Variants in INPP5A observed in about 807,000 individuals in gnomAD.
INPP5A encodes the protein inositol polyphosphate-5-phosphatase A, also known as 43 kDa inositol polyphosphate 5-phophatase.
Under a neutral mutation model 65.2 loss-of-function variants are expected in INPP5A, and 14 were observed. The observed-to-expected ratio is 0.21, with a 90% CI of 0.14 to 0.34. The LOEUF (loss-of-function observed/expected upper bound fraction) is 0.34, where lower values mean the gene tolerates loss of function less well. Ranked by LOEUF, INPP5A falls within the 10% of genes least tolerant of loss-of-function variation. INPP5A has a pLI of 1.00. For missense variants in INPP5A, 431 were observed against 545.6 expected, an observed-to-expected ratio of 0.79 and a Z score of 2.09; for synonymous variants, 207 against 208.3, an observed-to-expected ratio of 0.99 and a Z score of 0.05.
At chr10:132,569,801 G>A (rs2071316494) in intron 1 of INPP5A, among the ~76,000 whole-genome samples, 1 of 149,378 alleles carries the variant, frequency 6.7e-6, no homozygotes, top group African/African-American at 2.5e-5. Flanking sequence ...ACCGCACTGG[G>A]CCCCCACTGT....
chr10:132,652,033 T>G (rs958089297), intron 4 of INPP5A, among the ~76,000 whole-genome samples: 1 of 151,760 alleles, frequency 6.6e-6, no homozygotes, highest in African/African-American at 2.4e-5. Flanking sequence ...CCTCTCCCCC[T>G]TGGTCCCTCC....
chr10:132,652,205 A>G (rs1469277252), intron 4 of INPP5A, among the ~76,000 whole-genome samples: 1 of 152,228 alleles, frequency 6.6e-6, no homozygotes, highest in African/African-American at 2.4e-5. Context: ...AAAGAAAAAC[A>G]CCACTGGGGG....
At position 132,774,854 on chromosome 10, in the gene INPP5A, CGGGCAGGGAGGAG is replaced by C. The variant is rs1454013874; in HGVS notation, c.978-2803_978-2791del. Reference sequence around the variant, plus strand: ...CGGAGGAGAGAGGGGTAGGGAGAGACGGGCAGGGAGGAGGGGCAGGGAGGAGAGGCAGGGAGGA... The same window carrying C: ...CGGAGGAGAGAGGGGTAGGGAGAGACGGGCAGGGAGGAGAGGCAGGGAGGA... On this transcript the variant is annotated intron_variant, in intron 12 of 15. Transcript: ENST00000368594. Among the ~76,000 whole-genome samples the C allele has an allele frequency of 1.3e-4, 4 of 31,228 alleles. 1 individual carries two copies. Among genetic ancestry groups the C allele is most frequent in the East Asian group, 7.7e-4 (1 of 1,292 alleles). 20.5% of individuals were successfully genotyped at this position (31,228 alleles called of 152,430 possible). A position where few individuals can be genotyped will look rare whatever the true frequency, so the allele number is the denominator to read the frequency against.
At chr10:132,715,990 C>A (rs1187015132) in intron 8 of INPP5A, among the ~76,000 whole-genome samples, 9 of 152,264 alleles carry the variant, frequency 5.9e-5, no homozygotes, top group Non-Finnish European at 5.9e-5. Flanking sequence ...TCGCCTTAGC[C>A]TCTCCAGGGC....
chr10:132,596,438 T>C lies in INPP5A; in HGVS notation c.76-11477T>C, dbSNP rs576195780. Among the ~76,000 whole-genome samples the C allele has an allele frequency of 2.7e-5, 4 of 149,716 alleles. No individual in the cohort carries two copies. In the South Asian group the frequency reaches 8.6e-4, roughly 32 times the overall value. ...TGTGTGTGCATGTTTTGTTTTGTTTTTTTTTTTTGAGATGGAGTCTCGCAC... is the reference window on the plus strand; with the variant it reads ...TGTGTGTGCATGTTTTGTTTTGTTTCTTTTTTTTGAGATGGAGTCTCGCAC... On this transcript the variant is annotated intron_variant, in intron 1 of 15. Coordinates refer to ENST00000368594, the MANE Select transcript of INPP5A (RefSeq NM_005539.5).
chr10:132,692,075 AGGGTCAGGCTCGG>A (rs939867288), intron 5 of INPP5A, among the ~76,000 whole-genome samples: 4 of 151,818 alleles, frequency 2.6e-5, no homozygotes, highest in African/African-American at 9.7e-5. Context: ...GTTGGGCTCG[AGGGTCAGGCTCGG>A]GGGTCAGGCT....
At position 132,587,125 on chromosome 10, in the gene INPP5A, G is replaced by C. The variant is rs975072597; in HGVS notation, c.76-20790G>C. On this transcript the variant is annotated intron_variant, in intron 1 of 15. Coordinates refer to ENST00000368594, the MANE Select transcript of INPP5A (RefSeq NM_005539.5). This position sits in a 1 kb window ranked among gnomAD's most constrained non-coding sequence, Gnocchi z 4.3. ...AGTGTGCTATGACTTGATTTTTTCA[G>C]TTTTAAAAAATAATACAAACACATT... Among the ~76,000 whole-genome samples the C allele has an allele frequency of 6.6e-6, 1 of 152,198 alleles. No individual in the cohort carries two copies. The highest frequency in any genetic ancestry group is 1.5e-5 in the Non-Finnish European group (1 of 68,038).
At chr10:132,595,803 C>T (rs769555183) in intron 1 of INPP5A, among the ~76,000 whole-genome samples, 4 of 152,048 alleles carry the variant, frequency 2.6e-5, no homozygotes, top group Non-Finnish European at 4.4e-5. Context: ...CTATTATGAA[C>T]TTCTTTGTTG....
chr10:132,739,342 C>CG (rs1319215607), intron 9 of INPP5A, among the ~76,000 whole-genome samples: 1 of 152,252 alleles, frequency 6.6e-6, no homozygotes, highest in African/African-American at 2.4e-5. Context: ...CAAGTCTGGC[C>CG]GGGGTCCCTC....
intron 4 of INPP5A, among the ~76,000 whole-genome samples, chr10:132,688,975 GTA>G (rs1457683159): frequency 2.6e-5 from 4 of 151,908 alleles, no homozygotes; most frequent in Admixed American, 6.6e-5. Context: ...GTGCATGAGT[GTA>G]TGTGTGCAAG....
chr10:132,657,613 T>A (rs1405545206), intron 4 of INPP5A, among the ~76,000 whole-genome samples: 1 of 152,228 alleles, frequency 6.6e-6, no homozygotes, highest in African/African-American at 2.4e-5. Context: ...CGCTGCTTCC[T>A]GGGAGAGGCC....
intron 4 of INPP5A, among the ~76,000 whole-genome samples, chr10:132,686,081 T>C (rs1590925049): frequency 6.6e-6 from 1 of 152,180 alleles, no homozygotes; most frequent in African/African-American, 2.4e-5. Flanking sequence ...GCCCATTAGC[T>C]CCCAGGCTGC....
At chr10:132,626,397 A>G (rs2072184537) in intron 2 of INPP5A, among the ~76,000 whole-genome samples, 1 of 152,172 alleles carries the variant, frequency 6.6e-6, no homozygotes, top group Admixed American at 6.5e-5. Context: ...GTGTGTGTTG[A>G]AGGCTTCAAG....
rs1459055614 is a variant in INPP5A at position 132,651,856 on chromosome 10, TC to T, written c.306+1356del. ...AGTGGAGTCTGTACAATCCCGGGAA[TC>T]CCCCGTTCGGTCTCCGACCCTCGCC... On this transcript the variant is annotated intron_variant, in intron 4 of 15. Transcript: ENST00000368594. The surrounding 1 kb of genome is among the most constrained non-coding windows in gnomAD (Gnocchi z 5.0). Among the ~76,000 whole-genome samples the T allele has an allele frequency of 6.6e-6, 1 of 152,082 alleles. No homozygotes were observed. Among genetic ancestry groups the T allele is most frequent in the African/African-American group, 2.4e-5 (1 of 41,404 alleles).
chr10:132,560,788 G>C (rs1335526357), intron 1 of INPP5A, among the ~76,000 whole-genome samples: 1 of 152,016 alleles, frequency 6.6e-6, no homozygotes, highest in Non-Finnish European at 1.5e-5. Flanking sequence ...AAAAGTTTTA[G>C]TTTGTAAATA....
intron 2 of INPP5A, among the ~76,000 whole-genome samples, chr10:132,628,463 CGGG>C (rs55668291): frequency 0.1 from 2,423 of 23,308 alleles, 271 homozygotes; most frequent in South Asian, 0.27. Flanking sequence ...GCTCTGGTGG[CGGG>C]GGGGGGGGGG....
At chr10:132,558,383 C>T (rs2071156633) in intron 1 of INPP5A, among the ~76,000 whole-genome samples, 1 of 152,242 alleles carries the variant, frequency 6.6e-6, no homozygotes, top group South Asian at 2.1e-4. Context: ...CCTCGCCTGA[C>T]ATCCAGTCCC....
intron 1 of INPP5A, among the ~76,000 whole-genome samples, chr10:132,606,890 A>G (rs1480254515): frequency 6.6e-6 from 1 of 152,206 alleles, no homozygotes; most frequent in Non-Finnish European, 1.5e-5. Context: ...CCGAGTGTGC[A>G]GTTCCTTAGT....
At chr10:132,740,587 G>T (rs1181510652) in intron 9 of INPP5A, among the ~76,000 whole-genome samples, 1 of 152,180 alleles carries the variant, frequency 6.6e-6, no homozygotes, top group African/African-American at 2.4e-5. Context: ...GAAAACCCAT[G>T]TAAAGTACTC....
Sources: allele counts gnomAD v4.1 joint callset (sites outside exome capture counted in the v4.1 genomes callset), GRCh38; gene constraint gnomAD v4.1.1; non-coding constraint Gnocchi (gnomAD v3.1); transcripts MANE v1.5; gene names NCBI Gene and HGNC (gene_info 2026-07-23, HGNC 2026-07-21).